The following DLGAP1 variants were observed in gnomAD, a reference collection of about 807,000 sequenced individuals.
The protein encoded by DLGAP1 is disks large-associated protein 1.
In DLGAP1, 11 loss-of-function variants were observed where a neutral mutation model predicts 90.8. The observed-to-expected ratio is 0.12, with a 90% confidence interval of 0.08 to 0.20. The LOEUF (loss-of-function observed/expected upper bound fraction) is 0.20. DLGAP1 is among the 10% of genes least tolerant of loss of function. The pLI, the probability that DLGAP1 is intolerant of heterozygous loss-of-function variation, is 1.00. For synonymous variants in DLGAP1, 558 were observed against 540.7 expected (o/e 1.03, Z -0.44); for missense variants, 1,050 against 1,333.8 (o/e 0.79, Z 3.31).
chr18:3,800,064 C>T (rs981775657), intron 5 of DLGAP1, among the ~76,000 whole-genome samples: 15 of 152,244 alleles, frequency 9.9e-5, no homozygotes, highest in East Asian at 9.7e-4. Flanking sequence ...TACTCAACCC[C>T]GAGTGGCATA....
intron 8 of DLGAP1, among the ~76,000 whole-genome samples, chr18:3,572,379 A>G (rs779475765): frequency 2.6e-5 from 4 of 151,270 alleles, no homozygotes; most frequent in Admixed American, 2.6e-4. Context: ...TGACTCTGGA[A>G]TATCTCTAGC....
At chr18:3,853,494 C>A (rs542863981) in intron 4 of DLGAP1, among the ~76,000 whole-genome samples, 1 of 151,224 alleles carries the variant, frequency 6.6e-6, no homozygotes, top group African/African-American at 2.4e-5. Context: ...CAGTAACAGG[C>A]GGTAAGATTC....
intron 1 of DLGAP1, among the ~76,000 whole-genome samples, chr18:4,399,469 C>T (rs62087777): frequency 7.2e-5 from 11 of 152,204 alleles, no homozygotes; most frequent in Admixed American, 1.3e-4. Flanking sequence ...AGCGTCAGAA[C>T]GCTTATCTGT....
chr18:3,676,509 A>T (rs2060306302), intron 7 of DLGAP1, among the ~76,000 whole-genome samples: 1 of 151,996 alleles, frequency 6.6e-6, no homozygotes, highest in Non-Finnish European at 1.5e-5. Context: ...GAGATGACAA[A>T]CCCTGGGTAT....
At chr18:4,109,203 GACTA>G (rs1248079922) in intron 2 of DLGAP1, among the ~76,000 whole-genome samples, 13 of 152,044 alleles carry the variant, frequency 8.6e-5, no homozygotes, top group South Asian at 4.1e-4. Context: ...GTTGTGTGTG[GACTA>G]ACTAAGCTAT....
chr18:4,401,933 A>C (rs1273664664), intron 1 of DLGAP1, among the ~76,000 whole-genome samples: 2 of 152,206 alleles, frequency 1.3e-5, no homozygotes, highest in African/African-American at 4.8e-5. Context: ...CAAATTCTAA[A>C]CTATATTTTA....
At chr18:3,796,749 T>C (rs2066009647) in intron 5 of DLGAP1, among the ~76,000 whole-genome samples, 1 of 152,196 alleles carries the variant, frequency 6.6e-6, no homozygotes, top group African/African-American at 2.4e-5. Context: ...AGCAGGCACA[T>C]TGCTGGTAAA....
chr18:4,168,456 C>G (rs577589487), intron 1 of DLGAP1, among the ~76,000 whole-genome samples: 1 of 152,170 alleles, frequency 6.6e-6, no homozygotes, highest in African/African-American at 2.4e-5. Context: ...ATTCTAAGTA[C>G]ATTAAAAATG....
chr18:4,085,532 T>C (rs1162466198), intron 2 of DLGAP1, among the ~76,000 whole-genome samples: 1 of 152,212 alleles, frequency 6.6e-6, no homozygotes, highest in Non-Finnish European at 1.5e-5. Context: ...TGTCACACAG[T>C]ATTTTTAGAA....
At chr18:4,059,458 A>G (rs1012150389) in intron 2 of DLGAP1, among the ~76,000 whole-genome samples, 15 of 152,152 alleles carry the variant, frequency 9.9e-5, no homozygotes, top group African/African-American at 3.6e-4. Flanking sequence ...GAGCCGCCGC[A>G]CCTGGCACTT....
intron 1 of DLGAP1, among the ~76,000 whole-genome samples, chr18:4,359,189 C>A (rs1027603883): frequency 1.3e-5 from 2 of 152,132 alleles, no homozygotes; most frequent in Admixed American, 6.5e-5. Context: ...GACATGCTAC[C>A]GTAAAATATG....
intron 2 of DLGAP1, among the ~76,000 whole-genome samples, chr18:4,137,973 C>T (rs997778604): frequency 4.6e-5 from 7 of 152,040 alleles, no homozygotes; most frequent in African/African-American, 9.7e-5. Flanking sequence ...TACCCTGCAA[C>T]GTTACTGAAT....
intron 1 of DLGAP1, among the ~76,000 whole-genome samples, chr18:4,387,485 T>C (rs762629927): frequency 1.3e-5 from 2 of 152,238 alleles, no homozygotes; most frequent in Non-Finnish European, 2.9e-5. Context: ...TTCATGACTA[T>C]TATGCTGCTT....
chr18:4,009,583 G>T (rs1263052332), intron 2 of DLGAP1, among the ~76,000 whole-genome samples: 2 of 152,214 alleles, frequency 1.3e-5, no homozygotes, highest in Non-Finnish European at 2.9e-5. Context: ...GGAGGACACA[G>T]ATCTGTCATA....
chr18:4,388,721 C>G (rs1229360764), intron 1 of DLGAP1, among the ~76,000 whole-genome samples: 1 of 152,054 alleles, frequency 6.6e-6, no homozygotes, highest in African/African-American at 2.4e-5. Context: ...TACTTACAGC[C>G]AAAGACATCT....
At chr18:3,650,682 G>A (rs144412823) in intron 7 of DLGAP1, among the ~76,000 whole-genome samples, 3 of 152,228 alleles carry the variant, frequency 2.0e-5, no homozygotes, top group East Asian at 1.9e-4. Context: ...CACCTACCAC[G>A]CTGGTGGAAG....
At chr18:3,957,700 T>TAA (rs1447838731) in intron 3 of DLGAP1, among the ~76,000 whole-genome samples, 1 of 151,228 alleles carries the variant, frequency 6.6e-6, no homozygotes, top group East Asian at 1.9e-4. Context: ...AAATCATTGA[T>TAA]GATTAAAAGC....
chr18:4,197,217 A>G (rs1334677553), intron 1 of DLGAP1, among the ~76,000 whole-genome samples: 1 of 151,252 alleles, frequency 6.6e-6, no homozygotes, highest in East Asian at 1.9e-4. Flanking sequence ...AAGAAAAAAA[A>G]AGAAAGAGGC....
intron 1 of DLGAP1, among the ~76,000 whole-genome samples, chr18:4,282,136 G>A (rs1308769073): frequency 1.3e-5 from 2 of 152,084 alleles, no homozygotes; most frequent in African/African-American, 4.8e-5. Context: ...AGGCCGAGGC[G>A]GGCGGATCAC....
Sources: gnomAD v4.1 joint callset for allele counts (sites outside exome capture counted in the v4.1 genomes callset) on GRCh38, gnomAD v4.1.1 for gene constraint, MANE v1.5 for transcripts, NCBI Gene and HGNC (gene_info 2026-07-23, HGNC 2026-07-21) for gene names.